Variants in ANKH observed in about 807,000 individuals in gnomAD.
ANKH encodes the protein mineralization regulator ANKH.
A neutral mutation model predicts 49.0 loss-of-function variants in ANKH; 15 were observed. That is an observed-to-expected ratio of 0.31 (90% CI 0.20 to 0.47). ANKH has a LOEUF of 0.47. ANKH is among the 20% of genes least tolerant of loss of function. The pLI is 1.00. For missense variants in ANKH, 429 were observed against 652.0 expected, an observed-to-expected ratio of 0.66 and a Z score of 3.72; for synonymous variants, 273 against 260.0, an observed-to-expected ratio of 1.05 and a Z score of -0.48.
Position 14,711,208 on chromosome 5 carries a change from C to T in ANKH, c.1468G>A (p.Glu490Lys). Reference sequence around the variant, plus strand: ...TGGCGTCCCGTGCCTTATTCATTCTCCTCTCTCATTTCCACGATGTCTGTC... The same window carrying T: ...TGGCGTCCCGTGCCTTATTCATTCTTCTCTCTCATTTCCACGATGTCTGTC... ...EVTDIVEMRE[E>K]NE The change falls in exon 12 of 12, where the codon GAG becomes AAG. Residue 490 changes from glutamate (E) to lysine (K), a missense_variant. Around this residue, in one of 2 missense-constraint regions of ANKH, gnomAD observed 51 missense variants for 36.7 expected, o/e 1.39. Transcript: ENST00000284268. The T allele has an allele frequency of 2.5e-6, 4 of 1,614,016 alleles. No homozygotes were observed. The highest frequency in any genetic ancestry group is 1.6e-4 in the Middle Eastern group (1 of 6,062).
chr5:14,731,590 C>G (rs776458647), intron 8 of ANKH, among the ~76,000 whole-genome samples: 50 of 152,182 alleles, frequency 3.3e-4, no homozygotes, highest in Non-Finnish European at 6.0e-4. Context: ...GGGAGAAAAG[C>G]ATTCTGTTGA....
intron 1 of ANKH, among the ~76,000 whole-genome samples, chr5:14,792,758 T>C (rs2126546295): frequency 6.6e-6 from 1 of 151,564 alleles, no homozygotes; most frequent in Admixed American, 6.6e-5. Flanking sequence ...GTGGATCACC[T>C]GAGTTCAGGA....
rs578231972 is a variant in ANKH at position 14,713,029 on chromosome 5, C to T, written c.1266-56G>A. ...TGTTAAGGCCAAGTCAAGGCACAAC[C>T]GTCGATGCCAAAACCCAGGAAAGTA... On this transcript the variant is annotated intron_variant, in intron 10 of 11. Transcript: ENST00000284268. This position sits in a 1 kb window ranked among gnomAD's most constrained non-coding sequence, Gnocchi z 4.4. 2.7e-4 allele frequency: 405 copies of T among 1,523,064 alleles called. 4 individuals are homozygous for T. In the South Asian group the frequency reaches 3.8e-3, roughly 14 times the overall value. 94.3% of individuals were successfully genotyped at this position (1,523,064 alleles called of 1,614,324 possible).
At chr5:14,841,267 A>G (rs1209283186) in intron 1 of ANKH, among the ~76,000 whole-genome samples, 1 of 152,080 alleles carries the variant, frequency 6.6e-6, no homozygotes, top group Non-Finnish European at 1.5e-5. Flanking sequence ...TTAAATCATG[A>G]TAAAATAGAC....
Position 14,716,712 on chromosome 5 carries a change from C to A in ANKH, c.1135G>T (p.Val379Phe). The change falls in exon 9 of 12, where the codon GTT becomes TTT. Residue 379 changes from valine to phenylalanine, a missense_variant. By Grantham distance (50) the Val-to-Phe change is conservative. Around this residue, in one of 2 missense-constraint regions of ANKH, gnomAD observed 378 missense variants for 615.3 expected, o/e 0.61. Coordinates refer to ENST00000284268, the MANE Select transcript of ANKH (RefSeq NM_054027.6). The stretch of plus-strand genomic sequence containing the variant: ...TCATTCTGTTTTTCTTTACCTGGAA[C>A]TGGGAAGAAGGAGAAGATCCGCAAA... ...VPLRIFSFFP[V>F]PVTVRAHLTG... 1 of 1,614,004 alleles carries A rather than the reference C, an allele frequency of 6.2e-7. No individual in the cohort carries two copies. The highest frequency in any genetic ancestry group is 8.5e-7 in the Non-Finnish European group (1 of 1,179,944).
chr5:14,832,998 T>C (rs975511770), intron 1 of ANKH, among the ~76,000 whole-genome samples: 2 of 152,216 alleles, frequency 1.3e-5, no homozygotes, highest in Non-Finnish European at 2.9e-5. Flanking sequence ...GTGCTGAATG[T>C]TTTCAATTTC....
intron 1 of ANKH, among the ~76,000 whole-genome samples, chr5:14,856,622 T>TCTCCTTCCTCTTTGG (rs71603757): frequency 0.37 from 55,748 of 151,464 alleles, 10,379 homozygotes; most frequent in African/African-American, 0.42. Context: ...CCATTTCCCC[T>TCTCCTTCCTCTTTGG]CTCCTTTTCT....
At chr5:14,762,264 A>G (rs1351620935) in intron 2 of ANKH, among the ~76,000 whole-genome samples, 1 of 152,236 alleles carries the variant, frequency 6.6e-6, no homozygotes, top group African/African-American at 2.4e-5. Context: ...CATGCAGAGT[A>G]ACTGGGGTAA....
Position 14,807,150 on chromosome 5 carries a change from T to C in ANKH, c.97-37959A>G, listed in dbSNP as rs149181742. ...TTTTTTTTGAGGTAGGGCCTCGCTC[T>C]GTCTCCCAGGCTGGAGTGCAGTAGC... On this transcript the variant is annotated intron_variant, in intron 1 of 11. Coordinates refer to ENST00000284268, the MANE Select transcript of ANKH (RefSeq NM_054027.6). Among the ~76,000 whole-genome samples, 698 of 150,418 alleles carry C rather than the reference T, an allele frequency of 4.6e-3. 6 individuals carry two copies. The highest frequency in any genetic ancestry group is 0.016 in the African/African-American group (650 of 40,732).
chr5:14,866,112 T>G (rs762582062), intron 1 of ANKH, among the ~76,000 whole-genome samples: 6 of 152,200 alleles, frequency 3.9e-5, no homozygotes, highest in Non-Finnish European at 8.8e-5. Context: ...GTTCAAAAGA[T>G]TCTCCTGCCT....
At chr5:14,833,654 T>A (rs903656618) in intron 1 of ANKH, among the ~76,000 whole-genome samples, 1 of 152,196 alleles carries the variant, frequency 6.6e-6, no homozygotes, top group Admixed American at 6.5e-5. Flanking sequence ...CAGAGACCTT[T>A]CAAAATAGCC....
intron 8 of ANKH, among the ~76,000 whole-genome samples, chr5:14,732,540 C>T (rs1003219476): frequency 6.6e-6 from 1 of 152,014 alleles, no homozygotes; most frequent in African/African-American, 2.4e-5. Context: ...AAATATACCC[C>T]TAGCTACTTA....
intron 1 of ANKH, among the ~76,000 whole-genome samples, chr5:14,841,232 T>C (rs920218858): frequency 3.3e-5 from 5 of 151,862 alleles, no homozygotes; most frequent in African/African-American, 4.8e-5. Context: ...GCATAAAATA[T>C]GTGATAATAT....
At chr5:14,848,150 A>T (rs549411311) in intron 1 of ANKH, among the ~76,000 whole-genome samples, 1 of 152,318 alleles carries the variant, frequency 6.6e-6, no homozygotes, top group African/African-American at 2.4e-5. Flanking sequence ...AGACAGGACT[A>T]GCTGGATTTC....
At chr5:14,718,977 TAAAG>T (rs942376658) in intron 8 of ANKH, among the ~76,000 whole-genome samples, 19 of 149,838 alleles carry the variant, frequency 1.3e-4, no homozygotes, top group Admixed American at 4.0e-4. Context: ...AGAAGAGAGT[TAAAG>T]AAACAAAGTC....
chr5:14,766,765 ACTGTAGGCCCCAC>A, intron 2 of ANKH, among the ~76,000 whole-genome samples: 1 of 152,352 alleles, frequency 6.6e-6, no homozygotes, highest in African/African-American at 2.4e-5. Context: ...TCCTGTACTT[ACTGTAGGCCCCAC>A]CCAGGAGCTG....
At chr5:14,741,998 A>G in intron 7 of ANKH, 76 bp from the exon 8 acceptor site, 1 of 1,135,746 alleles carries the variant, frequency 8.8e-7, no homozygotes. Context: ...CTTGAAGAGC[A>G]TCTTGCTTTT....
At chr5:14,866,720 C>CT (rs199977378) in intron 1 of ANKH, among the ~76,000 whole-genome samples, 3 of 152,100 alleles carry the variant, frequency 2.0e-5, no homozygotes, top group African/African-American at 7.2e-5. Flanking sequence ...CTTTCATCCC[C>CT]CCTTGACCAA....
intron 9 of ANKH, among the ~76,000 whole-genome samples, chr5:14,715,756 AATC>A (rs1347795910): frequency 6.6e-6 from 1 of 152,234 alleles, no homozygotes. Context: ...GTTGTATACT[AATC>A]AACCATTCTG....
Sources: allele counts gnomAD v4.1 joint callset (sites outside exome capture counted in the v4.1 genomes callset), GRCh38; gene constraint gnomAD v4.1.1; regional missense constraint gnomAD v4.1.1; non-coding constraint Gnocchi (gnomAD v3.1); transcripts MANE v1.5; gene names NCBI Gene and HGNC (gene_info 2026-07-23, HGNC 2026-07-21).